The following RB1CC1 variants were observed in gnomAD, a reference collection of about 807,000 sequenced individuals.
RB1CC1 encodes RB1-inducible coiled-coil protein 1.
RB1CC1 carries 46 observed loss-of-function variants against 177.5 expected under a neutral mutation model. The observed-to-expected ratio is 0.26, with a 90% CI of 0.20 to 0.33. RB1CC1 has a LOEUF of 0.33. Among genes scored for constraint, RB1CC1 ranks in the 10% least tolerant of loss-of-function variants. The pLI, the probability that RB1CC1 is intolerant of heterozygous loss-of-function variation, is 1.00. For synonymous variants in RB1CC1, 666 were observed against 613.6 expected (o/e 1.09, Z -1.26); for missense variants, 1,703 against 1,816.3 (o/e 0.94, Z 1.13).
Position 52,631,715 on chromosome 8 carries a change from G to A in RB1CC1, c.4441-1187C>T, listed in dbSNP as rs942899245. On this transcript the variant is annotated intron_variant, in intron 20 of 23. Coordinates refer to ENST00000025008, the MANE Select transcript of RB1CC1 (RefSeq NM_014781.5). ...CCTGCCTTAAGGTCCATATATGCTC[G>A]TCGGGAAAATTCACCACAGCGTGCT... 3.9e-5 allele frequency among the ~76,000 whole-genome samples: 6 copies of A among 152,088 alleles called. No homozygotes were observed. The East Asian group carries it at 7.7e-4, about 20-fold the overall frequency.
At chr8:52,645,311 CA>C (rs767654973) in intron 16 of RB1CC1, among the ~76,000 whole-genome samples, 1 of 152,086 alleles carries the variant, frequency 6.6e-6, no homozygotes, top group Non-Finnish European at 1.5e-5. Context: ...AAAATAAAAT[CA>C]TTTTTTAAAT....
At chr8:52,675,007 A>G (rs1012605457) in intron 6 of RB1CC1, among the ~76,000 whole-genome samples, 3 of 152,158 alleles carry the variant, frequency 2.0e-5, no homozygotes, top group African/African-American at 7.2e-5. Flanking sequence ...ACACCCTGAA[A>G]ACAGGTTTAT....
chr8:52,627,529 A>G (rs1848481164), intron 22 of RB1CC1, among the ~76,000 whole-genome samples: 1 of 152,170 alleles, frequency 6.6e-6, no homozygotes, highest in African/African-American at 2.4e-5. Flanking sequence ...TAAAAATCAA[A>G]TAGATAATAG....
rs1851065740 is a variant in RB1CC1, at chr8:52,656,176, T to C, written c.3653A>G (p.Lys1218Arg). The change falls in exon 15 of 24, where the codon AAA (lysine) becomes AGA (arginine). Residue 1218 changes from lysine to arginine, a missense_variant. Lys to Arg is a conservative substitution (Grantham distance 26). Around this residue, in one of 6 missense-constraint regions of RB1CC1, gnomAD observed 1,169 missense variants for 1,184.7 expected, o/e 0.99. Coordinates refer to ENST00000025008, the MANE Select transcript of RB1CC1 (RefSeq NM_014781.5). ...GTCTTGCTCCTGGCTGCTGACCAAT[T>C]TTTGTCTGTCTTTCTCAAGGTTCTG... ...IIQNLEKDRQKLVSSQEQDRE... is the reference protein window; with the variant it reads ...IIQNLEKDRQRLVSSQEQDRE... The C allele has an allele frequency of 6.2e-7, 1 of 1,613,832 alleles. No homozygotes were observed. Among genetic ancestry groups the C allele is most frequent in the African/African-American group, 1.3e-5 (1 of 75,030 alleles).
rs576930935 is a variant in RB1CC1, at chr8:52,691,713, C to T, written c.-166-4746G>A. On this transcript the variant is annotated intron_variant, in intron 1 of 23. Transcript: ENST00000025008. Reference sequence around the variant, plus strand: ...GAAGCCTCTTCTAAATATTTTCACTCTCTACATCCTCACTAACTGCCAGCT... The same window carrying T: ...GAAGCCTCTTCTAAATATTTTCACTTTCTACATCCTCACTAACTGCCAGCT... 2.6e-5 allele frequency among the ~76,000 whole-genome samples: 4 copies of T among 152,282 alleles called. No homozygotes were observed. The South Asian group carries it at 8.3e-4, about 32-fold the overall frequency.
chr8:52,638,433 T>C (rs1039909577), intron 18 of RB1CC1, among the ~76,000 whole-genome samples: 3 of 152,160 alleles, frequency 2.0e-5, no homozygotes, highest in Non-Finnish European at 2.9e-5. Context: ...CTTCTTTTGA[T>C]ATATTTGTCT....
At chr8:52,678,122 A>AAT (rs1353803056) in intron 5 of RB1CC1, among the ~76,000 whole-genome samples, 1 of 152,146 alleles carries the variant, frequency 6.6e-6, no homozygotes, top group Non-Finnish European at 1.5e-5. Flanking sequence ...AAAAAGGAAT[A>AAT]ATATATATAG....
intron 12 of RB1CC1, among the ~76,000 whole-genome samples, chr8:52,659,551 T>C (rs2150493104): frequency 6.6e-6 from 1 of 152,276 alleles, no homozygotes; most frequent in South Asian, 2.1e-4. Context: ...TTTAAATCAT[T>C]ACTCAAGCAG....
rs997641655 is a variant in RB1CC1, at chr8:52,633,931, C to CA, written c.4440+989dup. 3.3e-5 allele frequency among the ~76,000 whole-genome samples: 5 copies of CA among 151,736 alleles called. No individual in the cohort carries two copies. In the East Asian group the frequency reaches 5.8e-4, roughly 18 times the overall value. ...TGGTGAAACCCCATCTCTACGAAAA[C>CA]AAAAAAACAAAACCTAAAACCAAAA... On this transcript the variant is annotated intron_variant, in intron 20 of 23. Coordinates refer to ENST00000025008, the MANE Select transcript of RB1CC1 (RefSeq NM_014781.5).
chr8:52,680,968 T>TGTG (rs1554548478), intron 5 of RB1CC1, among the ~76,000 whole-genome samples: 1 of 131,066 alleles, frequency 7.6e-6, no homozygotes, highest in Non-Finnish European at 1.6e-5. Context: ...TTGTGGGGTT[T>TGTG]TGTGTGTGTG....
At chr8:52,687,451 T>C (rs1246261874) in intron 1 of RB1CC1, among the ~76,000 whole-genome samples, 2 of 152,190 alleles carry the variant, frequency 1.3e-5, no homozygotes, top group African/African-American at 4.8e-5. Context: ...GCAGGGCCTG[T>C]GATCTGTTTC....
Position 52,655,917 on chromosome 8 carries a change from A to G in RB1CC1, c.3821+91T>C. The G allele has an allele frequency of 3.0e-6, 3 of 1,013,398 alleles. No homozygotes were observed. The South Asian group carries it at 5.7e-5, about 19-fold the overall frequency. The allele number at this position is 1,013,398 out of a possible 1,614,324, so 62.8% of individuals were successfully genotyped here. Reference sequence around the variant, plus strand: ...ATACCCTAGTTGCTACATTTACCCAAGGTAAATGAGTAAATCAAGGTACTG... The same window carrying G: ...ATACCCTAGTTGCTACATTTACCCAGGGTAAATGAGTAAATCAAGGTACTG... On this transcript the variant is annotated intron_variant, in intron 15 of 23. Coordinates refer to ENST00000025008, the MANE Select transcript of RB1CC1 (RefSeq NM_014781.5).
Position 52,673,949 on chromosome 8 carries a change from C to G in RB1CC1, c.898G>C (p.Asp300His), listed in dbSNP as rs767469821. The change falls in exon 7 of 24, where the codon GAT (aspartate) becomes CAT (histidine). Residue 300 changes from aspartate (D) to histidine (H), a missense_variant. By Grantham distance (81) the Asp-to-His change is moderately conservative. Transcript: ENST00000025008. ...DETTIDTKDG[D>H]LPFFNVSLLD... ...AAAGAGACATTAAAAAAGGGCAGAT[C>G]ACCATCTTTAGTGTCAATCGTAGTT... The G allele has an allele frequency of 2.5e-6, 4 of 1,613,982 alleles. No homozygotes were observed. In the African/African-American group the frequency reaches 5.3e-5, roughly 22 times the overall value.
chr8:52,639,157 A>C (rs1301497794), intron 18 of RB1CC1, among the ~76,000 whole-genome samples: 2 of 152,148 alleles, frequency 1.3e-5, no homozygotes, highest in African/African-American at 4.8e-5. Flanking sequence ...AATACATCTG[A>C]GGAGAAAAAT....
intron 3 of RB1CC1, among the ~76,000 whole-genome samples, 159 bp downstream of exon 3, chr8:52,685,240 G>A (rs1019092713): frequency 2.0e-5 from 3 of 152,002 alleles, no homozygotes; most frequent in East Asian, 1.9e-4. Context: ...TCTTGACCTC[G>A]TGATCCGCCC....
At chr8:52,626,028 TGTG>T (rs1238849753) in intron 22 of RB1CC1, among the ~76,000 whole-genome samples, 2 of 152,198 alleles carry the variant, frequency 1.3e-5, no homozygotes, top group Admixed American at 1.3e-4. Context: ...GACAATAGGA[TGTG>T]GTGAATTCTC....
At chr8:52,652,917 C>T (rs140135695) in intron 15 of RB1CC1, among the ~76,000 whole-genome samples, 1,923 of 152,056 alleles carry the variant, frequency 0.013, 27 homozygotes, top group Non-Finnish European at 0.021. Context: ...ATTAGCCAGG[C>T]GTGGTGGTAC....
At chr8:52,700,607 G>A (rs1332798469) in intron 1 of RB1CC1, among the ~76,000 whole-genome samples, 1 of 152,124 alleles carries the variant, frequency 6.6e-6, no homozygotes, top group African/African-American at 2.4e-5. Flanking sequence ...ATATCTTATT[G>A]GTCATTGGCA....
At chr8:52,629,044 C>A (rs141304618) in intron 21 of RB1CC1, among the ~76,000 whole-genome samples, 6 of 152,272 alleles carry the variant, frequency 3.9e-5, no homozygotes, top group African/African-American at 1.4e-4. Context: ...ATTTTTGGAG[C>A]TCCTCTCTCT....
Sources: gnomAD v4.1 joint callset for allele counts (sites outside exome capture counted in the v4.1 genomes callset) on GRCh38, gnomAD v4.1.1 for gene constraint, gnomAD v4.1.1 regional missense constraint, MANE v1.5 for transcripts, NCBI Gene and HGNC (gene_info 2026-07-23, HGNC 2026-07-21) for gene names.